The following CDKL4 variants were observed in gnomAD, a reference collection of about 807,000 sequenced individuals.
CDKL4 encodes the protein cyclin-dependent kinase-like 4.
CDKL4 carries 44 observed loss-of-function variants against 42.0 expected under a neutral mutation model. The ratio of observed to expected loss-of-function variants is 1.05; its 90% CI spans 0.82 to 1.35. CDKL4 has a LOEUF of 1.35. Ranked by LOEUF, CDKL4 falls within the 40% of genes most tolerant of loss-of-function variation. CDKL4 has a pLI of 0.00. For synonymous variants in CDKL4, 120 were observed against 121.6 expected, an observed-to-expected ratio of 0.99 and a Z score of 0.09; for missense variants, 393 against 369.9, an observed-to-expected ratio of 1.06 and a Z score of -0.51.
upstream of CDKL4, among the ~76,000 whole-genome samples, chr2:39,246,010 G>T (rs536309104): frequency 6.6e-6 from 1 of 152,152 alleles, no homozygotes; most frequent in South Asian, 2.1e-4. Flanking sequence ...GAGAATTTTG[G>T]CTAGAGCTTA....
intron 2 of CDKL4, among the ~76,000 whole-genome samples, chr2:39,227,140 A>C (rs1350311563): frequency 6.6e-6 from 1 of 152,146 alleles, no homozygotes; most frequent in East Asian, 1.9e-4. Context: ...TGGGACAAAA[A>C]CTATAAAGCA....
At chr2:39,208,195 C>CATACAGCA (rs142692739) in intron 4 of CDKL4, among the ~76,000 whole-genome samples, 2,231 of 152,216 alleles carry the variant, frequency 0.015, 38 homozygotes, top group African/African-American at 0.051. Context: ...GATGCTTAGA[C>CATACAGCA]ATACAGCATT....
At chr2:39,180,908 C>T (rs959696592) in intron 8 of CDKL4, among the ~76,000 whole-genome samples, 5 of 152,102 alleles carry the variant, frequency 3.3e-5, no homozygotes, top group Admixed American at 1.3e-4. Flanking sequence ...AGGCGGGTCT[C>T]GAACTCCTGA....
At chr2:39,203,205 AAAAGG>A (rs1259273138) in intron 5 of CDKL4, among the ~76,000 whole-genome samples, 1 of 152,240 alleles carries the variant, frequency 6.6e-6, no homozygotes, top group Non-Finnish European at 1.5e-5. Context: ...AGGAAAATGA[AAAAGG>A]AAAGGAAAAA....
At chr2:39,193,214 A>C (rs1023515467) in intron 5 of CDKL4, among the ~76,000 whole-genome samples, 5 of 149,840 alleles carry the variant, frequency 3.3e-5, no homozygotes, top group Non-Finnish European at 1.5e-5. Context: ...GGGGTGGATC[A>C]CTTGAGCCTA....
chr2:39,234,891 AT>A (rs1302925675), intron 1 of CDKL4, among the ~76,000 whole-genome samples: 3,550 of 144,810 alleles, frequency 0.025, 116 homozygotes, highest in African/African-American at 0.076. Flanking sequence ...TTTAAAAAAA[AT>A]TTTTTTTTTT....
chr2:39,186,179 C>T (rs964159641), intron 7 of CDKL4, among the ~76,000 whole-genome samples: 1 of 152,064 alleles, frequency 6.6e-6, no homozygotes, highest in African/African-American at 2.4e-5. Flanking sequence ...TGCAGTTCAA[C>T]CTTTAACCTT....
At chr2:39,207,515 C>T (rs1677277564) in intron 4 of CDKL4, among the ~76,000 whole-genome samples, 1 of 152,182 alleles carries the variant, frequency 6.6e-6, no homozygotes, top group East Asian at 1.9e-4. Flanking sequence ...TGCATTAGAA[C>T]AGGTTATATC....
downstream of CDKL4, among the ~76,000 whole-genome samples, chr2:39,172,237 G>A (rs564065132): frequency 7.2e-5 from 11 of 151,878 alleles, no homozygotes; most frequent in African/African-American, 2.7e-4. Context: ...ATTTGACCCC[G>A]GGAGGCAGAG....
chr2:39,242,726 G>A (rs948252034), intron 1 of CDKL4, among the ~76,000 whole-genome samples: 1 of 152,040 alleles, frequency 6.6e-6, no homozygotes, highest in Non-Finnish European at 1.5e-5. Context: ...AAAGGGAGAG[G>A]TAGAAAAAAA....
chr2:39,221,793 T>A (rs1173918134), intron 3 of CDKL4, among the ~76,000 whole-genome samples: 1 of 152,190 alleles, frequency 6.6e-6, no homozygotes, highest in Admixed American at 6.5e-5. Flanking sequence ...GCCAGGGGTG[T>A]CCATCTGGCC....
At chr2:39,246,947 G>GT (rs1490536675), upstream of CDKL4, among the ~76,000 whole-genome samples, 1 of 152,070 alleles carries the variant, frequency 6.6e-6, no homozygotes, top group Non-Finnish European at 1.5e-5. Context: ...GACTTGCTAT[G>GT]TAACTCAGGC....
At chr2:39,184,210 G>A (rs956643210) in intron 8 of CDKL4, among the ~76,000 whole-genome samples, 2 of 152,148 alleles carry the variant, frequency 1.3e-5, no homozygotes, top group Non-Finnish European at 2.9e-5. Context: ...TGAGCTTTTG[G>A]TATACACAAT....
At chr2:39,177,938 C>G (rs1675238051) in intron 9 of CDKL4, among the ~76,000 whole-genome samples, 1 of 152,242 alleles carries the variant, frequency 6.6e-6, no homozygotes, top group Non-Finnish European at 1.5e-5. Flanking sequence ...ATCTGCCCAC[C>G]TTGGCCTCCC....
intron 5 of CDKL4, among the ~76,000 whole-genome samples, chr2:39,200,979 A>G (rs1453787592): frequency 6.6e-6 from 1 of 152,160 alleles, no homozygotes; most frequent in African/African-American, 2.4e-5. Context: ...TGGAACTTAA[A>G]CTAAAAAAGC....
At chr2:39,179,163 A>C (rs767266066) in intron 9 of CDKL4, 24 bp downstream of exon 9, 8 of 1,587,902 alleles carry the variant, frequency 5.0e-6, no homozygotes, top group Middle Eastern at 1.7e-4. Flanking sequence ...TTTTTATAGC[A>C]CTTTAACTTT....
At chr2:39,191,646 A>T (rs886527835) in intron 5 of CDKL4, among the ~76,000 whole-genome samples, 3 of 152,168 alleles carry the variant, frequency 2.0e-5, no homozygotes, top group African/African-American at 7.2e-5. Context: ...TGTGACAAAG[A>T]CCTCAATTTG....
At chr2:39,190,126 G>T (rs1684609588) in intron 6 of CDKL4, among the ~76,000 whole-genome samples, 179 bp downstream of exon 6, 1 of 152,200 alleles carries the variant, frequency 6.6e-6, no homozygotes, top group Admixed American at 6.5e-5. Flanking sequence ...GGTTCTGCAT[G>T]TTTAGAAAAG....
chr2:39,197,854 C>G (rs1676612054), intron 5 of CDKL4, among the ~76,000 whole-genome samples: 2 of 149,888 alleles, frequency 1.3e-5, no homozygotes, highest in African/African-American at 5.1e-5. Context: ...AATCTTGAAA[C>G]AAATATTTGA....
Sources: allele counts gnomAD v4.1 joint callset (sites outside exome capture counted in the v4.1 genomes callset), GRCh38; gene constraint gnomAD v4.1.1; transcripts MANE v1.5; gene names NCBI Gene and HGNC (gene_info 2026-07-23, HGNC 2026-07-21).